Variants in KANSL1 observed in about 807,000 individuals in gnomAD.
The protein encoded by KANSL1 is KAT8 regulatory NSL complex subunit 1.
Under a neutral mutation model 103.6 loss-of-function variants are expected in KANSL1, and 22 were observed. The observed-to-expected ratio is 0.21, with a 90% CI of 0.15 to 0.30. The LOEUF (loss-of-function observed/expected upper bound fraction) is 0.30, where lower values mean the gene tolerates loss of function less well. Ranked by LOEUF, KANSL1 falls within the 10% of genes least tolerant of loss-of-function variation. The pLI is 1.00. For synonymous variants in KANSL1, 600 were observed against 527.6 expected, an observed-to-expected ratio of 1.14 and a Z score of -1.88; for missense variants, 1,337 against 1,399.8, an observed-to-expected ratio of 0.96 and a Z score of 0.72.
chr17:46,180,599 T>G (rs188565366), intron 1 of KANSL1, among the ~76,000 whole-genome samples: 224 of 152,288 alleles, frequency 1.5e-3, no homozygotes, highest in African/African-American at 5.1e-3. Flanking sequence ...GGCATGAGAA[T>G]CACTTGAACC....
chr17:46,074,359 T>C (rs1387658249), intron 4 of KANSL1, among the ~76,000 whole-genome samples: 1 of 151,952 alleles, frequency 6.6e-6, no homozygotes, highest in Non-Finnish European at 1.5e-5. Context: ...ACTGAGTCAA[T>C]GAATGAGTAA....
chr17:46,213,547 A>G (rs1214770529), intron 1 of KANSL1, among the ~76,000 whole-genome samples: 1 of 144,806 alleles, frequency 6.9e-6, no homozygotes, highest in Non-Finnish European at 1.5e-5. Context: ...TGACCTCATG[A>G]TGGGCCCGCC....
At chr17:46,189,322 C>G (rs1380159372) in intron 1 of KANSL1, among the ~76,000 whole-genome samples, 1 of 152,120 alleles carries the variant, frequency 6.6e-6, no homozygotes, top group Non-Finnish European at 1.5e-5. Context: ...ACCCTAGTCC[C>G]TCCCCTCTAA....
chr17:46,098,360 C>T (rs1404867185), intron 2 of KANSL1, among the ~76,000 whole-genome samples: 2 of 152,232 alleles, frequency 1.3e-5, no homozygotes, highest in South Asian at 2.1e-4. Flanking sequence ...TCCTTAGCTG[C>T]TCTTCCCAAC....
chr17:46,192,345 T>A (rs964732610), intron 1 of KANSL1: 1 of 151,102 alleles, frequency 6.6e-6, no homozygotes, highest in African/African-American at 2.4e-5. Flanking sequence ...GGAGACTACA[T>A]CTGAAAACGT....
At chr17:46,190,228 C>G (rs1454705443) in intron 1 of KANSL1, among the ~76,000 whole-genome samples, 1 of 152,220 alleles carries the variant, frequency 6.6e-6, no homozygotes, top group Non-Finnish European at 1.5e-5. Flanking sequence ...ATAGTTACTT[C>G]ACTTTCTTCT....
At chr17:46,212,679 A>G (rs1485483581) in intron 1 of KANSL1, among the ~76,000 whole-genome samples, 2 of 152,200 alleles carry the variant, frequency 1.3e-5, no homozygotes, top group African/African-American at 4.8e-5. Flanking sequence ...AAATCTTTCT[A>G]TGTATCTTAA....
intron 2 of KANSL1, among the ~76,000 whole-genome samples, chr17:46,111,960 G>A (rs1341439568): frequency 1.3e-5 from 2 of 152,174 alleles, no homozygotes; most frequent in Non-Finnish European, 2.9e-5. Context: ...CCACAGAAAC[G>A]AGAGCACCAA....
chr17:46,083,408 C>G (rs970623373), intron 3 of KANSL1, among the ~76,000 whole-genome samples: 2 of 152,124 alleles, frequency 1.3e-5, no homozygotes, highest in Non-Finnish European at 2.9e-5. Context: ...GATTAAGAAG[C>G]TCTTAATGGA....
chr17:46,223,756 G>A (rs1024632785), upstream of KANSL1: 1 of 152,608 alleles, frequency 6.6e-6, no homozygotes, highest in African/African-American at 2.4e-5. Context: ...TAATTCCCTC[G>A]GTTACCAAGT....
chr17:46,195,078 TTGAC>T (rs1202928028), upstream of KANSL1, among the ~76,000 whole-genome samples: 1 of 152,220 alleles, frequency 6.6e-6, no homozygotes, highest in Non-Finnish European at 1.5e-5. Flanking sequence ...GGGAAAAACT[TTGAC>T]TTTTTTATTG....
chr17:46,159,812 G>C (rs931802353), intron 2 of KANSL1, among the ~76,000 whole-genome samples: 1 of 151,618 alleles, frequency 6.6e-6, no homozygotes, highest in African/African-American at 2.4e-5. Context: ...TTAGCCATTT[G>C]ATGGGGAAAA....
At chr17:46,165,966 T>C (rs1159990159) in intron 2 of KANSL1, among the ~76,000 whole-genome samples, 1 of 151,804 alleles carries the variant, frequency 6.6e-6, no homozygotes, top group African/African-American at 2.4e-5. Flanking sequence ...ATCCCAGCAC[T>C]TCGGTAGGCC....
intron 3 of KANSL1, among the ~76,000 whole-genome samples, chr17:46,090,668 G>C (rs1365365777): frequency 2.6e-5 from 4 of 152,218 alleles, no homozygotes; most frequent in Non-Finnish European, 5.9e-5. Flanking sequence ...TTTGAATGAT[G>C]AAACTCTTGG....
At position 46,039,845 on chromosome 17, in the gene KANSL1, G is replaced by T; in HGVS notation, c.2060C>A (p.Ser687Tyr). 1 of 1,614,200 alleles carries T rather than the reference G, an allele frequency of 6.2e-7. No individual in the cohort carries two copies. The highest frequency in any genetic ancestry group is 8.5e-7 in the Non-Finnish European group (1 of 1,180,026). Residue 687 changes from serine (S) to tyrosine (Y), a missense_variant, in exon 8 of 15, where the codon TCT becomes TAT. Coordinates refer to ENST00000432791, the MANE Select transcript of KANSL1 (RefSeq NM_015443.4). ...TSLHFQSMLK[S>Y]QWQNKPFDKI... Reference sequence around the variant, plus strand: ...GTCAAAAGGCTTGTTCTGCCACTGAGATTTCAGCATGCTCTGGAAATGCAG... The same window carrying T: ...GTCAAAAGGCTTGTTCTGCCACTGATATTTCAGCATGCTCTGGAAATGCAG...
intron 4 of KANSL1, among the ~76,000 whole-genome samples, chr17:46,079,102 G>T (rs1362915106): frequency 6.6e-6 from 1 of 152,104 alleles, no homozygotes; most frequent in Non-Finnish European, 1.5e-5. Flanking sequence ...ACTACTCTGT[G>T]GTATAAAAAC....
At chr17:46,094,055 A>AGTTTTGTTCTAAATACAC (rs1277185868) in intron 3 of KANSL1, 11 of 153,266 alleles carry the variant, frequency 7.2e-5, no homozygotes, top group African/African-American at 2.7e-4. Context: ...ATACCCACAC[A>AGTTTTGTTCTAAATACAC]GTTTTGTTCT....
rs373936115 is a variant in KANSL1, at chr17:46,071,998, C to A, written c.1534-4331G>T. ...GCTCCCCCCACCCCTCCCCCCGCCCCGATTGAAAGGGCCAGGTGTACAGCA... is the reference window on the plus strand; with the variant it reads ...GCTCCCCCCACCCCTCCCCCCGCCCAGATTGAAAGGGCCAGGTGTACAGCA... On this transcript the variant is annotated intron_variant, in intron 4 of 14. Coordinates refer to ENST00000432791, the MANE Select transcript of KANSL1 (RefSeq NM_015443.4). Among the ~76,000 whole-genome samples the A allele has an allele frequency of 7.3e-5, 11 of 150,228 alleles. No individual in the cohort carries two copies. The South Asian group carries it at 1.9e-3, about 26-fold the overall frequency.
upstream of KANSL1, among the ~76,000 whole-genome samples, chr17:46,195,831 C>T (rs1202320219): frequency 6.6e-6 from 1 of 152,184 alleles, no homozygotes; most frequent in Non-Finnish European, 1.5e-5. Flanking sequence ...AGCCACCACA[C>T]AAAAATCTTA....
Sources: gnomAD v4.1 joint callset for allele counts (sites outside exome capture counted in the v4.1 genomes callset) on GRCh38, gnomAD v4.1.1 for gene constraint, MANE v1.5 for transcripts, NCBI Gene and HGNC (gene_info 2026-07-23, HGNC 2026-07-21) for gene names.